Variants in OSBPL10 observed in about 807,000 individuals in gnomAD.
OSBPL10 encodes the protein oxysterol-binding protein-related protein 10.
In OSBPL10, 49 loss-of-function variants were observed where a neutral mutation model predicts 81.7. The ratio of observed to expected loss-of-function variants is 0.60; its 90% CI spans 0.48 to 0.76. OSBPL10 has a LOEUF of 0.76. Among genes scored for constraint, OSBPL10 ranks in the 30% least tolerant of loss-of-function variants. OSBPL10 has a pLI of 0.00. For synonymous variants in OSBPL10, 419 were observed against 383.6 expected, an observed-to-expected ratio of 1.09 and a Z score of -1.08; for missense variants, 923 against 987.8, an observed-to-expected ratio of 0.93 and a Z score of 0.88.
chr3:31,834,227 T>C (rs775841214), intron 3 of OSBPL10, among the ~76,000 whole-genome samples: 5 of 152,220 alleles, frequency 3.3e-5, no homozygotes, highest in Admixed American at 1.3e-4. Context: ...GCTATTAATT[T>C]AAAATATTAA....
At chr3:31,890,121 C>T (rs1695852463) in intron 1 of OSBPL10, among the ~76,000 whole-genome samples, 1 of 150,318 alleles carries the variant, frequency 6.7e-6, no homozygotes, top group Admixed American at 6.6e-5. Context: ...GAAGCACCCT[C>T]AAGTACAAAA....
intron 5 of OSBPL10, among the ~76,000 whole-genome samples, chr3:31,735,549 C>T (rs144139364): frequency 2.0e-5 from 3 of 152,312 alleles, no homozygotes; most frequent in Non-Finnish European, 2.9e-5. Context: ...TTGTTCTCTT[C>T]TCCCCATTGC....
chr3:31,747,887 G>A (rs939347461), intron 5 of OSBPL10, 23 bp downstream of exon 5: 3 of 1,610,132 alleles, frequency 1.9e-6, no homozygotes, highest in African/African-American at 2.7e-5. Context: ...TCCCAAACAT[G>A]GACAAGCCCC....
At chr3:32,049,638 G>A (rs536030614) in intron 1 of OSBPL10, among the ~76,000 whole-genome samples, 1 of 152,264 alleles carries the variant, frequency 6.6e-6, no homozygotes, top group African/African-American at 2.4e-5. Flanking sequence ...AATGGATTTG[G>A]CACTATGAGT....
intron 2 of OSBPL10, among the ~76,000 whole-genome samples, chr3:32,003,786 G>C (rs932811318): frequency 2.0e-5 from 3 of 152,146 alleles, no homozygotes; most frequent in Middle Eastern, 3.2e-3. Flanking sequence ...ACCTCTCTCT[G>C]AGAGCTGCCA....
chr3:31,682,856 T>C (rs1700686093), intron 8 of OSBPL10, among the ~76,000 whole-genome samples: 1 of 152,172 alleles, frequency 6.6e-6, no homozygotes, highest in Non-Finnish European at 1.5e-5. Flanking sequence ...AATAAAAATG[T>C]GCTAAGTGAA....
At chr3:31,685,628 C>T (rs574167499) in intron 7 of OSBPL10, among the ~76,000 whole-genome samples, 93 of 152,310 alleles carry the variant, frequency 6.1e-4, no homozygotes, top group Non-Finnish European at 1.1e-3. Context: ...CGGGTTCCAG[C>T]GAGTTGACCA....
At chr3:32,016,147 G>A (rs1193105676) in intron 2 of OSBPL10, among the ~76,000 whole-genome samples, 23 of 152,266 alleles carry the variant, frequency 1.5e-4, no homozygotes, top group African/African-American at 5.1e-4. Flanking sequence ...ACATGCACAC[G>A]TATGTTTATT....
rs539175343 is a variant in OSBPL10 at position 32,054,315 on chromosome 3, G to C, written n.186-7712C>G. Among the ~76,000 whole-genome samples the C allele has an allele frequency of 1.7e-4, 26 of 152,038 alleles. No individual in the cohort carries two copies. In the South Asian group the frequency reaches 5.2e-3, roughly 30 times the overall value. ...CAAAAGAGACATATTTGGCTTATTT[G>C]GTATAAAAATCACACAGGAAGCATT... On this transcript the variant is annotated intron_variant and non_coding_transcript_variant, in intron 1 of 3. Transcript: ENST00000479173.
chr3:31,696,393 C>T (rs894722183), intron 7 of OSBPL10, among the ~76,000 whole-genome samples: 5 of 152,226 alleles, frequency 3.3e-5, no homozygotes, highest in African/African-American at 1.2e-4. Context: ...CCTTTTATAT[C>T]AAAGTTCCTT....
chr3:31,738,107 T>A (rs1202219358), intron 5 of OSBPL10, among the ~76,000 whole-genome samples: 2 of 151,398 alleles, frequency 1.3e-5, no homozygotes, highest in Non-Finnish European at 2.9e-5. Context: ...TAGACAAAAA[T>A]GTAAATATAA....
chr3:31,975,998 A>C (rs1698687039), intron 1 of OSBPL10, among the ~76,000 whole-genome samples: 1 of 152,328 alleles, frequency 6.6e-6, no homozygotes, highest in East Asian at 1.9e-4. Context: ...GAAATAAAAT[A>C]GGAAAGGAAG....
At chr3:31,868,729 G>T (rs1701244822) in intron 3 of OSBPL10, among the ~76,000 whole-genome samples, 2 of 152,126 alleles carry the variant, frequency 1.3e-5, no homozygotes, top group South Asian at 4.1e-4. Flanking sequence ...TAAAGCCAAT[G>T]AAACTAAAAT....
intron 3 of OSBPL10, among the ~76,000 whole-genome samples, chr3:31,873,709 C>T (rs137936746): frequency 1.3e-5 from 2 of 152,208 alleles, no homozygotes; most frequent in Admixed American, 6.5e-5. Flanking sequence ...AGAAGAAACA[C>T]GGTGAAGAGG....
At chr3:32,035,422 C>A (rs1240630092) in intron 2 of OSBPL10, among the ~76,000 whole-genome samples, 1 of 151,792 alleles carries the variant, frequency 6.6e-6, no homozygotes, top group Non-Finnish European at 1.5e-5. Context: ...ATTAGCTGGA[C>A]ATGGTGGTGC....
At chr3:31,773,307 A>G (rs1698436657) in intron 4 of OSBPL10, among the ~76,000 whole-genome samples, 1 of 152,214 alleles carries the variant, frequency 6.6e-6, no homozygotes, top group Non-Finnish European at 1.5e-5. Context: ...TTTTCTCTGT[A>G]AGGCACATCA....
chr3:31,737,825 C>T (rs542340648), intron 5 of OSBPL10, among the ~76,000 whole-genome samples: 19 of 152,084 alleles, frequency 1.2e-4, no homozygotes, highest in African/African-American at 4.6e-4. Context: ...AACCCCGACT[C>T]TACTAAAAAT....
At chr3:31,858,780 G>A (rs972016788) in intron 3 of OSBPL10, among the ~76,000 whole-genome samples, 4 of 152,260 alleles carry the variant, frequency 2.6e-5, no homozygotes, top group East Asian at 1.9e-4. Context: ...GATTATACTG[G>A]AGCTTTCTGA....
rs184329895 is a variant in OSBPL10, at chr3:31,791,952, C to T, written c.729+38088G>A. ...ATAGGTGCTGTGAGGGATTTTGAAA[C>T]GAGCAAGACAAAGCTGGATGCGGTG... On this transcript the variant is annotated intron_variant, in intron 4 of 11. Transcript: ENST00000396556. Among the ~76,000 whole-genome samples, 24 of 151,980 alleles carry T rather than the reference C, an allele frequency of 1.6e-4. No individual in the cohort carries two copies. The South Asian group carries it at 2.9e-3, about 18-fold the overall frequency.
Sources: gnomAD v4.1 joint callset for allele counts (sites outside exome capture counted in the v4.1 genomes callset) on GRCh38, gnomAD v4.1.1 for gene constraint, MANE v1.5 for transcripts, NCBI Gene and HGNC (gene_info 2026-07-23, HGNC 2026-07-21) for gene names.